Variants in ABCC1 observed in about 807,000 individuals in gnomAD.
The protein encoded by ABCC1 is ATP binding cassette subfamily C member 1 (ABCC1 blood group), also known as multidrug resistance-associated protein 1.
In ABCC1, 83 loss-of-function variants were observed where a neutral mutation model predicts 172.9. The ratio of observed to expected loss-of-function variants is 0.48; its 90% confidence interval spans 0.40 to 0.58. The LOEUF is 0.58. Ranked by LOEUF, ABCC1 falls within the 20% of genes least tolerant of loss-of-function variation. The probability of loss-of-function intolerance (pLI) is 0.00; values close to 1 mark genes in which losing one functional copy is unlikely to be tolerated. For synonymous variants in ABCC1, 937 were observed against 825.2 expected (o/e 1.14, Z -2.32); for missense variants, 1,817 against 2,002.7 (o/e 0.91, Z 1.77).
At chr16:15,952,398 G>T (rs1041772326) in intron 1 of ABCC1, among the ~76,000 whole-genome samples, 2 of 152,052 alleles carry the variant, frequency 1.3e-5, no homozygotes, top group Non-Finnish European at 2.9e-5. Context: ...AGAAGTCAAG[G>T]TCAGTGGGCC....
chr16:16,050,191 G>A (rs1286727192), intron 10 of ABCC1, among the ~76,000 whole-genome samples: 8 of 152,194 alleles, frequency 5.3e-5, no homozygotes, highest in Non-Finnish European at 8.8e-5. Context: ...AGGGCTGGAC[G>A]AAATGGCTCA....
At chr16:16,076,579 G>A (rs1316565441) in intron 15 of ABCC1, among the ~76,000 whole-genome samples, 178 bp downstream of exon 15, 1 of 152,190 alleles carries the variant, frequency 6.6e-6, no homozygotes, top group East Asian at 1.9e-4. Flanking sequence ...TTAGGCTGTC[G>A]TGAGAAGCAG....
intron 1 of ABCC1, among the ~76,000 whole-genome samples, chr16:15,971,445 G>A (rs540186478): frequency 6.6e-6 from 1 of 152,286 alleles, no homozygotes; most frequent in East Asian, 1.9e-4. Flanking sequence ...CTAAGAGCCG[G>A]GGCTTTACAA....
intron 29 of ABCC1, among the ~76,000 whole-genome samples, chr16:16,137,835 G>T (rs954531599): frequency 6.6e-6 from 1 of 151,696 alleles, no homozygotes. Flanking sequence ...TACTAGGTGT[G>T]AGCCACTGTG....
intron 21 of ABCC1, among the ~76,000 whole-genome samples, 184 bp from the exon 22 acceptor site, chr16:16,111,191 G>A (rs1228361459): frequency 2.6e-5 from 4 of 152,296 alleles, no homozygotes; most frequent in Admixed American, 6.5e-5. Context: ...GAGCCACGGC[G>A]CCTGGCCCTC....
At chr16:16,099,393 C>T (rs1416922015) in intron 19 of ABCC1, among the ~76,000 whole-genome samples, 1 of 152,194 alleles carries the variant, frequency 6.6e-6, no homozygotes, top group Non-Finnish European at 1.5e-5. Context: ...TAGTGGAATT[C>T]CAGTGGCCAG....
intron 25 of ABCC1, among the ~76,000 whole-genome samples, chr16:16,125,500 C>T (rs2045390197): frequency 6.6e-6 from 1 of 151,570 alleles, no homozygotes; most frequent in East Asian, 1.9e-4. Context: ...GGGATCTCGG[C>T]TCACTGCAAC....
chr16:16,039,311 A>G (rs1287753420), intron 7 of ABCC1, among the ~76,000 whole-genome samples: 1 of 128,364 alleles, frequency 7.8e-6, no homozygotes, highest in East Asian at 2.2e-4. Context: ...TCTGTTACCC[A>G]GGGTGGAATA....
At chr16:16,133,242 A>G (rs566246089) in intron 27 of ABCC1, among the ~76,000 whole-genome samples, 74 of 152,146 alleles carry the variant, frequency 4.9e-4, no homozygotes, top group Non-Finnish European at 9.1e-4. Context: ...GGCTGCTTTC[A>G]CCTCTGAACA....
chr16:15,954,309 C>T (rs1194241335), intron 1 of ABCC1, among the ~76,000 whole-genome samples: 6 of 152,118 alleles, frequency 3.9e-5, no homozygotes, highest in South Asian at 2.1e-4. Context: ...GGATTGCAAG[C>T]GTGAGCCACC....
At chr16:16,124,317 G>T (rs190299702) in intron 24 of ABCC1, among the ~76,000 whole-genome samples, 19 of 61,920 alleles carry the variant, frequency 3.1e-4, no homozygotes, top group Non-Finnish European at 6.0e-4. Context: ...TTAATGCACT[G>T]TGTGTGTGTG....
In ABCC1 at chr16:16,052,781, A is replaced by T; in HGVS notation, c.1438A>T (p.Asn480Tyr). The change falls in exon 11 of 31, where the codon AAT becomes TAT. Residue 480 changes from asparagine (N) to tyrosine (Y), a missense_variant. By Grantham distance (143) the Asn-to-Tyr change is moderately radical (BLOSUM62 -2). Transcript: ENST00000399410. ...GGTGATGGTCCTCATGGTGCCCGTC[A>T]ATGCTGTGATGGCGATGAAGACCAA... ...VAVMVLMVPVNAVMAMKTKTY... is the reference protein window; with the variant it reads ...VAVMVLMVPVYAVMAMKTKTY... 10 of 1,613,994 alleles carry T rather than the reference A, an allele frequency of 6.2e-6. No individual in the cohort carries two copies. The highest frequency in any genetic ancestry group is 8.5e-6 in the Non-Finnish European group (10 of 1,179,998).
chr16:16,073,561 G>A (rs2050436389), intron 14 of ABCC1, among the ~76,000 whole-genome samples: 2 of 152,150 alleles, frequency 1.3e-5, no homozygotes, highest in East Asian at 1.9e-4. Flanking sequence ...CCAGGAGTTT[G>A]AGACCACCTT....
chr16:15,998,711 C>T (rs574306417), intron 1 of ABCC1, among the ~76,000 whole-genome samples: 10 of 152,306 alleles, frequency 6.6e-5, no homozygotes, highest in Middle Eastern at 3.4e-3. Flanking sequence ...CTTTGCTCAG[C>T]GTTTCCTGAC....
At position 15,949,819 on chromosome 16, in the gene ABCC1, T is replaced by TGAGGCCGGCGGGACGGAGG; in HGVS notation, c.48+33_48+51dup. 5.0e-6 allele frequency: 6 copies of TGAGGCCGGCGGGACGGAGG among 1,193,568 alleles called. No individual in the cohort carries two copies. The highest frequency in any genetic ancestry group is 6.2e-6 in the Non-Finnish European group (6 of 963,338). The allele number at this position is 1,193,568 out of a possible 1,614,324, so 73.9% of individuals were successfully genotyped here. A position where few individuals can be genotyped will look rare whatever the true frequency, so the allele number is the denominator to read the frequency against. On this transcript the variant is annotated intron_variant, in intron 1 of 30. Coordinates refer to ENST00000399410, the MANE Select transcript of ABCC1 (RefSeq NM_004996.4). ...CTCTGGGTACGTGCCGGGGGCCGCG[T>TGAGGCCGGCGGGACGGAGG]GAGGCCGGCGGGACGGAGGGAGGCC...
intron 21 of ABCC1, among the ~76,000 whole-genome samples, chr16:16,107,814 G>A (rs72777623): frequency 6.6e-6 from 1 of 150,880 alleles, no homozygotes; most frequent in African/African-American, 2.4e-5. Flanking sequence ...AATAAATGTG[G>A]TTTTTTTTGT....
Position 16,014,647 on chromosome 16 carries a change from C to G in ABCC1, c.489+19C>G. On this transcript the variant is annotated intron_variant, in intron 4 of 30. Transcript: ENST00000399410. Reference sequence around the variant, plus strand: ...AAAAGAGGTAAGTGGCAGTCTCCTTCCTCATCTTCCTTCAGTGGACCCGGA... The same window carrying G: ...AAAAGAGGTAAGTGGCAGTCTCCTTGCTCATCTTCCTTCAGTGGACCCGGA... The G allele has an allele frequency of 6.2e-7, 1 of 1,612,388 alleles. No homozygotes were observed. The highest frequency in any genetic ancestry group is 8.5e-7 in the Non-Finnish European group (1 of 1,179,384).
chr16:16,037,752 C>T (rs766658562), intron 7 of ABCC1, among the ~76,000 whole-genome samples: 17 of 152,236 alleles, frequency 1.1e-4, no homozygotes, highest in African/African-American at 2.2e-4. Context: ...CATTCTATTC[C>T]GGGGATGCCC....
intron 16 of ABCC1, among the ~76,000 whole-genome samples, chr16:16,083,032 G>A (rs1343301927): frequency 6.6e-6 from 1 of 152,160 alleles, no homozygotes; most frequent in African/African-American, 2.4e-5. Context: ...GTCACCTGAG[G>A]GACTTCCACT....
Sources: allele counts gnomAD v4.1 joint callset (sites outside exome capture counted in the v4.1 genomes callset), GRCh38; gene constraint gnomAD v4.1.1; transcripts MANE v1.5; gene names NCBI Gene and HGNC (gene_info 2026-07-23, HGNC 2026-07-21).